PRKG2: variants seen among roughly 807,000 people sequenced by gnomAD.
PRKG2 encodes the protein protein kinase cGMP-dependent 2, also known as cGMP-dependent protein kinase 2.
In PRKG2, 33 loss-of-function variants were observed where a neutral mutation model predicts 97.2. The observed-to-expected ratio is 0.34, with a 90% CI of 0.26 to 0.45. The LOEUF (loss-of-function observed/expected upper bound fraction) is 0.45. Ranked by LOEUF, PRKG2 falls within the 20% of genes least tolerant of loss-of-function variation. The probability of loss-of-function intolerance (pLI) is 1.00; values close to 1 mark genes in which losing one functional copy is unlikely to be tolerated. For synonymous variants in PRKG2, 330 were observed against 321.8 expected (o/e 1.03, Z -0.27); for missense variants, 638 against 900.0 (o/e 0.71, Z 3.73).
rs1750061049 is a variant in PRKG2, at chr4:81,167,202, G to T, written c.871C>A (p.Pro291Thr). Residue 291 changes from proline (P) to threonine (T), a missense_variant, in exon 6 of 19, where the codon CCT becomes ACT. By Grantham distance (38) the Pro-to-Thr change is conservative. Around this residue, in one of 3 missense-constraint regions of PRKG2, gnomAD observed 332 missense variants for 421.7 expected, o/e 0.79. Coordinates refer to ENST00000264399, the MANE Select transcript of PRKG2 (RefSeq NM_006259.3). ...ATGATCTTGGTTAATTTATCTTCAG[G>T]TAAATTCTTCAGCAAGGATACACTT... Reference protein sequence around the residue: ...LRSVSLLKNLPEDKLTKIIDC... With the variant: ...LRSVSLLKNLTEDKLTKIIDC... 2.5e-6 allele frequency: 4 copies of T among 1,588,508 alleles called. No homozygotes were observed. Among genetic ancestry groups the T allele is most frequent in the Non-Finnish European group, 3.4e-6 (4 of 1,169,070 alleles).
intron 17 of PRKG2, among the ~76,000 whole-genome samples, chr4:81,102,357 TAAC>T (rs1447836315): frequency 6.6e-6 from 1 of 152,180 alleles, no homozygotes; most frequent in African/African-American, 2.4e-5. Flanking sequence ...TGCCAAAGCA[TAAC>T]ATGAAGAACC....
intron 6 of PRKG2, among the ~76,000 whole-genome samples, chr4:81,155,630 G>T (rs1221651125): frequency 6.6e-6 from 1 of 151,840 alleles, no homozygotes; most frequent in East Asian, 1.9e-4. Context: ...ATAATTGTCA[G>T]ATTCACCAAA....
intron 11 of PRKG2, 41 bp downstream of exon 11, chr4:81,142,753 C>A: frequency 1.3e-6 from 2 of 1,491,058 alleles, no homozygotes; most frequent in East Asian, 2.3e-5. Context: ...AAAAAAAAGT[C>A]AAAAGGCTTC....
intron 2 of PRKG2, among the ~76,000 whole-genome samples, chr4:81,191,350 A>C (rs1578503565): frequency 6.6e-6 from 1 of 151,946 alleles, no homozygotes; most frequent in Non-Finnish European, 1.5e-5. Flanking sequence ...ACAAAACACC[A>C]CATGTTCTCA....
At chr4:81,124,372 C>T (rs1745351596) in intron 14 of PRKG2, among the ~76,000 whole-genome samples, 1 of 152,202 alleles carries the variant, frequency 6.6e-6, no homozygotes, top group East Asian at 1.9e-4. Context: ...TTCACTACTA[C>T]AATAGCAAAC....
intron 2 of PRKG2, among the ~76,000 whole-genome samples, chr4:81,197,580 G>A (rs1488543060): frequency 2.0e-5 from 3 of 151,604 alleles, no homozygotes; most frequent in African/African-American, 4.9e-5. Flanking sequence ...ATAACCATGG[G>A]CTAGTTACTT....
intron 2 of PRKG2, among the ~76,000 whole-genome samples, chr4:81,194,830 T>C (rs960125168): frequency 6.6e-6 from 1 of 152,212 alleles, no homozygotes; most frequent in Non-Finnish European, 1.5e-5. Context: ...AACCAAGTAG[T>C]TGAGGAGTCA....
At chr4:81,141,923 T>C (rs1336292583) in intron 11 of PRKG2, among the ~76,000 whole-genome samples, 1 of 152,120 alleles carries the variant, frequency 6.6e-6, no homozygotes, top group Admixed American at 6.6e-5. Flanking sequence ...CTGTCCAGAC[T>C]CCCCTGACAG....
chr4:81,216,649 A>G (rs1324717204), upstream of PRKG2, among the ~76,000 whole-genome samples: 1 of 151,992 alleles, frequency 6.6e-6, no homozygotes, highest in African/African-American at 2.4e-5. Context: ...TGTGCACTGT[A>G]CCTAATAAGT....
intron 15 of PRKG2, among the ~76,000 whole-genome samples, chr4:81,106,962 A>G (rs1032394223): frequency 6.6e-6 from 1 of 152,192 alleles, no homozygotes; most frequent in African/African-American, 2.4e-5. Flanking sequence ...GTGAAAAATA[A>G]ATGTTTGCTG....
chr4:81,187,043 T>TATACA (rs1448861354), intron 2 of PRKG2, among the ~76,000 whole-genome samples: 1 of 151,924 alleles, frequency 6.6e-6, no homozygotes, highest in Non-Finnish European at 1.5e-5. Flanking sequence ...TTCTACCAGA[T>TATACA]ATACAAAGAG....
intron 14 of PRKG2, among the ~76,000 whole-genome samples, chr4:81,118,858 G>A (rs1395751383): frequency 6.6e-6 from 1 of 152,142 alleles, no homozygotes; most frequent in African/African-American, 2.4e-5. Flanking sequence ...GCAGTGGCAT[G>A]ATCTCTGCTC....
chr4:81,098,504 T>C (rs975619561), intron 17 of PRKG2, among the ~76,000 whole-genome samples: 2 of 152,328 alleles, frequency 1.3e-5, no homozygotes, highest in South Asian at 2.1e-4. Context: ...GCTTTTGATA[T>C]GCCTTCTTCA....
chr4:81,120,972 T>C (rs1322894787), intron 14 of PRKG2, among the ~76,000 whole-genome samples: 1 of 152,212 alleles, frequency 6.6e-6, no homozygotes, highest in Non-Finnish European at 1.5e-5. Context: ...TTCTCCTCTG[T>C]TCCTAGTTTA....
At chr4:81,095,520 C>T (rs1742030759) in intron 17 of PRKG2, among the ~76,000 whole-genome samples, 1 of 152,210 alleles carries the variant, frequency 6.6e-6, no homozygotes, top group Non-Finnish European at 1.5e-5. Flanking sequence ...TCATTACCAT[C>T]ACTCTACTGA....
chr4:81,151,699 A>G (rs375632581), intron 8 of PRKG2, among the ~76,000 whole-genome samples: 2 of 152,168 alleles, frequency 1.3e-5, no homozygotes, highest in South Asian at 4.1e-4. Flanking sequence ...ACCTTTTCTC[A>G]GACCCTTTTT....
At chr4:81,119,867 C>T (rs528346328) in intron 14 of PRKG2, among the ~76,000 whole-genome samples, 7 of 151,878 alleles carry the variant, frequency 4.6e-5, no homozygotes, top group Admixed American at 3.9e-4. Context: ...GTAGAGACGG[C>T]GTTTCACTGT....
chr4:81,155,300 C>T (rs958390983), intron 6 of PRKG2, among the ~76,000 whole-genome samples: 2 of 151,560 alleles, frequency 1.3e-5, no homozygotes, highest in Non-Finnish European at 2.9e-5. Context: ...CCTCAGGAGC[C>T]GATGCGATCA....
At chr4:81,212,828 C>G (rs1028770130) in intron 1 of PRKG2, among the ~76,000 whole-genome samples, 1 of 152,128 alleles carries the variant, frequency 6.6e-6, no homozygotes, top group Non-Finnish European at 1.5e-5. Flanking sequence ...TAAGAAGGTA[C>G]TGCTTTGGTT....
Sources: gnomAD v4.1 joint callset for allele counts (sites outside exome capture counted in the v4.1 genomes callset) on GRCh38, gnomAD v4.1.1 for gene constraint, gnomAD v4.1.1 regional missense constraint, MANE v1.5 for transcripts, NCBI Gene and HGNC (gene_info 2026-07-23, HGNC 2026-07-21) for gene names.